Variants in COMMD1 observed in about 807,000 individuals in gnomAD.
COMMD1 encodes the protein COMM domain-containing protein 1.
In COMMD1, 10 loss-of-function variants were observed where a neutral mutation model predicts 17.2. The ratio of observed to expected loss-of-function variants is 0.58; its 90% CI spans 0.36 to 0.99. COMMD1 has a LOEUF of 0.99. COMMD1 is among the 50% of genes least tolerant of loss of function. The pLI, the probability that COMMD1 is intolerant of heterozygous loss-of-function variation, is 0.01. For missense variants in COMMD1, 270 were observed against 231.8 expected (o/e 1.17, Z -1.07); for synonymous variants, 97 against 91.6 (o/e 1.06, Z -0.34).
intron 1 of COMMD1, among the ~76,000 whole-genome samples, chr2:61,932,184 CTTAATTATT>C (rs1178705123): frequency 5.3e-5 from 8 of 152,208 alleles, no homozygotes; most frequent in African/African-American, 1.9e-4. Context: ...TGCTTACATT[CTTAATTATT>C]CTCTAACAGT....
Position 62,089,268 on chromosome 2 carries a change from TTTTC to T in COMMD1, c.463-46551_463-46548del, listed in dbSNP as rs1187098255. On this transcript the variant is annotated intron_variant, in intron 2 of 2. Transcript: ENST00000311832. ...ACTTTGCAGGGCCATTTTCTCTTTC[TTTTC>T]TTTCTTTCTTTTTTTTTTTTTTTTC... Among the ~76,000 whole-genome samples the T allele has an allele frequency of 2.3e-3, 349 of 151,912 alleles. 2 individuals are homozygous for T. Among genetic ancestry groups the T allele is most frequent in the African/African-American group, 7.4e-3 (306 of 41,458 alleles).
intron 2 of COMMD1, among the ~76,000 whole-genome samples, chr2:62,054,376 A>T (rs895255335): frequency 1.3e-5 from 2 of 152,202 alleles, no homozygotes; most frequent in Non-Finnish European, 2.9e-5. Context: ...GTCAGCATAT[A>T]AAAAAAGTAC....
intron 2 of COMMD1, among the ~76,000 whole-genome samples, chr2:62,082,265 T>G (rs1671544494): frequency 6.6e-6 from 1 of 152,242 alleles, no homozygotes; most frequent in South Asian, 2.1e-4. Context: ...ATACATACTT[T>G]GCTGATACCT....
At chr2:61,978,283 G>A (rs905187613) in intron 1 of COMMD1, among the ~76,000 whole-genome samples, 2 of 152,148 alleles carry the variant, frequency 1.3e-5, no homozygotes, top group African/African-American at 4.8e-5. Context: ...CTACCAAAGA[G>A]TATCAGGAAC....
chr2:62,118,448 A>G lies in COMMD1; in HGVS notation c.463-17383A>G, dbSNP rs1027839099. 6 of 152,326 alleles carry G rather than the reference A, an allele frequency of 3.9e-5. No individual in the cohort carries two copies. In the Middle Eastern group the frequency reaches 0.01, roughly 259 times the overall value. The allele number at this position is 152,326 out of a possible 1,614,324, so 9.4% of individuals were successfully genotyped here. The stretch of plus-strand genomic sequence containing the variant: ...CCTGTCTGTCTAACACCACCTCCAG[A>G]AGTTTGCATGAAGCTATTTGAGTTA... On this transcript the variant is annotated intron_variant, in intron 2 of 2. Coordinates refer to ENST00000311832, the MANE Select transcript of COMMD1 (RefSeq NM_152516.4).
At chr2:62,035,841 CAG>C (rs1366524538) in intron 2 of COMMD1, among the ~76,000 whole-genome samples, 1 of 151,248 alleles carries the variant, frequency 6.6e-6, no homozygotes, top group African/African-American at 2.4e-5. Context: ...ACCTGAGCCT[CAG>C]GGGTTCAAGA....
intron 2 of COMMD1, among the ~76,000 whole-genome samples, chr2:62,049,899 A>G (rs943014154): frequency 4.7e-5 from 7 of 149,252 alleles, no homozygotes; most frequent in Non-Finnish European, 1.0e-4. Context: ...TAGTGATATG[A>G]TTAATATATT....
At chr2:61,894,088 G>C (rs996107775) in intron 1 of COMMD1, among the ~76,000 whole-genome samples, 1 of 152,112 alleles carries the variant, frequency 6.6e-6, no homozygotes, top group Non-Finnish European at 1.5e-5. Flanking sequence ...TAAAAAGTAA[G>C]ACAAGCTGAC....
At chr2:62,077,892 TA>T (rs1480227873) in intron 2 of COMMD1, among the ~76,000 whole-genome samples, 1 of 151,978 alleles carries the variant, frequency 6.6e-6, no homozygotes, top group African/African-American at 2.4e-5. Context: ...GCTTCCAGCT[TA>T]TAGGTAGATT....
chr2:61,905,090 C>T (rs1183733532), upstream of COMMD1, among the ~76,000 whole-genome samples: 1 of 152,150 alleles, frequency 6.6e-6, no homozygotes, highest in African/African-American at 2.4e-5. Flanking sequence ...CTATGCATTT[C>T]ATTTCAGGAT....
intron 2 of COMMD1, among the ~76,000 whole-genome samples, chr2:62,098,217 C>T (rs1023261963): frequency 6.9e-5 from 10 of 144,102 alleles, no homozygotes; most frequent in East Asian, 2.0e-4. Context: ...AGTGCAATGG[C>T]GCGATCTTGG....
At chr2:62,061,534 T>A (rs1259285024) in intron 2 of COMMD1, among the ~76,000 whole-genome samples, 2 of 151,454 alleles carry the variant, frequency 1.3e-5, no homozygotes, top group African/African-American at 2.4e-5. Flanking sequence ...GGTTTATGTG[T>A]GGCTGTCTTT....
At chr2:62,094,083 A>C (rs772889770) in intron 2 of COMMD1, among the ~76,000 whole-genome samples, 2 of 152,140 alleles carry the variant, frequency 1.3e-5, no homozygotes, top group Non-Finnish European at 2.9e-5. Flanking sequence ...TCTCTATGGG[A>C]GTTTCCTGTA....
chr2:61,930,008 G>A (rs1670421387), intron 1 of COMMD1, among the ~76,000 whole-genome samples: 1 of 151,986 alleles, frequency 6.6e-6, no homozygotes, highest in African/African-American at 2.4e-5. Flanking sequence ...CCTAAGATGG[G>A]GGGAGGGAAA....
intron 2 of COMMD1, among the ~76,000 whole-genome samples, chr2:62,105,274 A>T (rs866088556): frequency 6.6e-6 from 1 of 152,156 alleles, no homozygotes; most frequent in South Asian, 2.1e-4. Context: ...TTTAATTTCT[A>T]TTGAAATCCT....
chr2:62,090,262 A>G (rs1671790672), intron 2 of COMMD1, among the ~76,000 whole-genome samples: 1 of 152,226 alleles, frequency 6.6e-6, no homozygotes, highest in Admixed American at 6.5e-5. Flanking sequence ...GGTTATAGGT[A>G]GAGTCAGAGG....
chr2:62,098,431 T>C (rs370997536), intron 2 of COMMD1, among the ~76,000 whole-genome samples: 131 of 152,220 alleles, frequency 8.6e-4, no homozygotes, highest in South Asian at 7.1e-3. Context: ...TCTTAATGAT[T>C]GTGACAGCTA....
chr2:61,919,513 G>A (rs1031360621), intron 1 of COMMD1, among the ~76,000 whole-genome samples: 15 of 150,984 alleles, frequency 9.9e-5, no homozygotes, highest in African/African-American at 3.6e-4. Flanking sequence ...GTAGAGACAG[G>A]GTTTTGCCAT....
intron 1 of COMMD1, among the ~76,000 whole-genome samples, chr2:61,998,146 C>G (rs1259677331): frequency 6.6e-6 from 1 of 152,100 alleles, no homozygotes; most frequent in Non-Finnish European, 1.5e-5. Context: ...GGGCCTTGCC[C>G]TCGATTAGGT....
Sources: gnomAD v4.1 joint callset for allele counts (sites outside exome capture counted in the v4.1 genomes callset) on GRCh38, gnomAD v4.1.1 for gene constraint, MANE v1.5 for transcripts, NCBI Gene and HGNC (gene_info 2026-07-23, HGNC 2026-07-21) for gene names.